Variants in SLC24A3 observed in about 807,000 individuals in gnomAD.
SLC24A3 encodes the protein sodium/potassium/calcium exchanger 3.
In SLC24A3, 28 loss-of-function variants were observed where a neutral mutation model predicts 75.8. The observed-to-expected ratio is 0.37, with a 90% CI of 0.27 to 0.51. SLC24A3 has a LOEUF of 0.51. SLC24A3 is among the 20% of genes least tolerant of loss of function. The pLI is 0.94. For missense variants in SLC24A3, 663 were observed against 847.8 expected, an observed-to-expected ratio of 0.78 and a Z score of 2.71; for synonymous variants, 372 against 334.1, an observed-to-expected ratio of 1.11 and a Z score of -1.24.
chr20:19,397,647 C>CTTTTTT (rs3057518), intron 2 of SLC24A3, among the ~76,000 whole-genome samples: 80 of 117,096 alleles, frequency 6.8e-4, no homozygotes, highest in Non-Finnish European at 8.8e-4. Context: ...TTTTTCTTTT[C>CTTTTTT]TTTTTTTTTT....
chr20:19,343,482 T>G (rs546744103), intron 2 of SLC24A3, among the ~76,000 whole-genome samples: 1 of 152,146 alleles, frequency 6.6e-6, no homozygotes, highest in Non-Finnish European at 1.5e-5. Flanking sequence ...CATAATTTAG[T>G]CTATCGTATC....
chr20:19,525,636 C>T (rs1454650197), intron 3 of SLC24A3, among the ~76,000 whole-genome samples: 5 of 152,122 alleles, frequency 3.3e-5, no homozygotes, highest in East Asian at 1.9e-4. Flanking sequence ...CATTTCCAGT[C>T]GGCCCCACCA....
At chr20:19,701,135 G>C (rs1176051237) in intron 15 of SLC24A3, among the ~76,000 whole-genome samples, 1 of 152,130 alleles carries the variant, frequency 6.6e-6, no homozygotes, top group Non-Finnish European at 1.5e-5. Flanking sequence ...TCACATGTCT[G>C]TCTTCTTCAT....
At chr20:19,400,397 C>T (rs1986528840) in intron 2 of SLC24A3, among the ~76,000 whole-genome samples, 1 of 152,198 alleles carries the variant, frequency 6.6e-6, no homozygotes, top group Non-Finnish European at 1.5e-5. Context: ...GAGGCAAGAC[C>T]TTCCCATGTA....
At chr20:19,228,142 T>C (rs910709961) in intron 1 of SLC24A3, among the ~76,000 whole-genome samples, 2 of 152,210 alleles carry the variant, frequency 1.3e-5, no homozygotes, top group Non-Finnish European at 2.9e-5. Context: ...ATTTTATTCT[T>C]AAAAATGTGA....
chr20:19,586,175 C>T (rs1247316287), intron 6 of SLC24A3, among the ~76,000 whole-genome samples: 1 of 152,170 alleles, frequency 6.6e-6, no homozygotes, highest in African/African-American at 2.4e-5. Context: ...GGGGAAGGTG[C>T]TCAGAAGCCA....
chr20:19,423,446 C>A (rs1986950189), intron 2 of SLC24A3, among the ~76,000 whole-genome samples: 1 of 152,190 alleles, frequency 6.6e-6, no homozygotes, highest in Non-Finnish European at 1.5e-5. Flanking sequence ...AAAAACTTTG[C>A]AGGATGCTTT....
chr20:19,366,479 G>A (rs1024345779), intron 2 of SLC24A3, among the ~76,000 whole-genome samples: 3 of 152,128 alleles, frequency 2.0e-5, no homozygotes, highest in Admixed American at 6.5e-5. Context: ...GAGCACATTT[G>A]TTAGTTCTAA....
At chr20:19,678,315 G>C in intron 9 of SLC24A3, among the ~76,000 whole-genome samples, 1 of 134,726 alleles carries the variant, frequency 7.4e-6, no homozygotes, top group African/African-American at 2.8e-5. Context: ...CTCCCAGACG[G>C]GGCGGCTGGC....
intron 2 of SLC24A3, among the ~76,000 whole-genome samples, chr20:19,472,438 A>G (rs1021998896): frequency 6.6e-6 from 1 of 152,244 alleles, no homozygotes; most frequent in African/African-American, 2.4e-5. Context: ...TTTGCTAGCA[A>G]GCCTCTGCCA....
intron 2 of SLC24A3, among the ~76,000 whole-genome samples, chr20:19,377,182 T>A (rs1415984281): frequency 7.9e-5 from 12 of 152,176 alleles, no homozygotes; most frequent in Non-Finnish European, 1.5e-5. Flanking sequence ...GGGATTAACT[T>A]TGATCCACAT....
chr20:19,676,881 G>A (rs796732864), intron 9 of SLC24A3, among the ~76,000 whole-genome samples: 5 of 152,342 alleles, frequency 3.3e-5, no homozygotes, highest in African/African-American at 1.2e-4. Context: ...AGCCCTGACA[G>A]CAGAGCCCCC....
chr20:19,343,786 A>C (rs1167783247), intron 2 of SLC24A3, among the ~76,000 whole-genome samples: 1 of 152,218 alleles, frequency 6.6e-6, no homozygotes, highest in East Asian at 1.9e-4. Context: ...GCATTCAATG[A>C]AGCCAGATTA....
At chr20:19,457,785 T>C (rs7271658) in intron 2 of SLC24A3, among the ~76,000 whole-genome samples, 15,303 of 152,132 alleles carry the variant, frequency 0.1, 1,924 homozygotes, top group African/African-American at 0.3. Context: ...CTGGAAGAGG[T>C]TGAGGGAGTC....
intron 2 of SLC24A3, among the ~76,000 whole-genome samples, chr20:19,447,459 A>T (rs959466165): frequency 6.6e-6 from 1 of 152,212 alleles, no homozygotes; most frequent in Non-Finnish European, 1.5e-5. Flanking sequence ...AGCCCCAAGC[A>T]GTACGACTAG....
At chr20:19,325,824 AGAGAGAGAGAGAGAGG>A (rs1394265072) in intron 2 of SLC24A3, among the ~76,000 whole-genome samples, 1,511 of 113,018 alleles carry the variant, frequency 0.013, 74 homozygotes, top group African/African-American at 0.065. Context: ...AGAGAGAGAG[AGAGAGAGAGAGAGAGG>A]GAGACATCTG....
chr20:19,392,982 C>A (rs1328310634), intron 2 of SLC24A3, among the ~76,000 whole-genome samples: 1 of 152,162 alleles, frequency 6.6e-6, no homozygotes, highest in East Asian at 1.9e-4. Flanking sequence ...ATATACCTCA[C>A]TTCCTGTCTA....
At chr20:19,296,333 C>T (rs184986578) in intron 2 of SLC24A3, among the ~76,000 whole-genome samples, 1 of 116,822 alleles carries the variant, frequency 8.6e-6, no homozygotes, top group Non-Finnish European at 1.7e-5. Context: ...AAGGGTTTCT[C>T]ATGTCTCTGT....
At chr20:19,351,562 C>T (rs1985565935) in intron 2 of SLC24A3, among the ~76,000 whole-genome samples, 1 of 152,158 alleles carries the variant, frequency 6.6e-6, no homozygotes, top group African/African-American at 2.4e-5. Flanking sequence ...TTCCCATGGG[C>T]CCTTGTGTGT....
Sources: allele counts gnomAD v4.1 joint callset (sites outside exome capture counted in the v4.1 genomes callset), GRCh38; gene constraint gnomAD v4.1.1; transcripts MANE v1.5; gene names NCBI Gene and HGNC (gene_info 2026-07-23, HGNC 2026-07-21).